The following WDR11 variants were observed in gnomAD, a reference collection of about 807,000 sequenced individuals.
WDR11 encodes WD repeat-containing protein 11.
WDR11 carries 83 observed loss-of-function variants against 151.2 expected under a neutral mutation model. The ratio of observed to expected loss-of-function variants is 0.55; its 90% CI spans 0.46 to 0.66. The LOEUF is 0.66. Ranked by LOEUF, WDR11 falls within the 30% of genes least tolerant of loss-of-function variation. The pLI is 0.00. For synonymous variants in WDR11, 484 were observed against 533.1 expected (o/e 0.91, Z 1.27); for missense variants, 1,301 against 1,480.9 (o/e 0.88, Z 1.99).
chr10:120,857,454 C>T (rs1845987646), intron 2 of WDR11, among the ~76,000 whole-genome samples: 3 of 152,126 alleles, frequency 2.0e-5, no homozygotes, highest in South Asian at 4.1e-4. Context: ...CATATATACA[C>T]TATACATATT....
rs779884193 is a variant in WDR11, at chr10:120,852,651, C to T, written c.198+16C>T. Reference sequence around the variant, plus strand: ...TGTTGTAAAGGTAAGTAAAATCCCACTTTGACGCTAACATGTTGTCTAGTC... The same window carrying T: ...TGTTGTAAAGGTAAGTAAAATCCCATTTTGACGCTAACATGTTGTCTAGTC... On this transcript the variant is annotated intron_variant, in intron 2 of 28. Transcript: ENST00000263461. The T allele has an allele frequency of 3.1e-6, 5 of 1,597,664 alleles. No homozygotes were observed. In the South Asian group the frequency reaches 4.4e-5, roughly 14 times the overall value.
In WDR11 at chr10:120,851,494, C is replaced by T. The variant is rs758376859; in HGVS notation, c.74C>T (p.Ala25Val). The change falls in exon 1 of 29, where the codon GCG (alanine) becomes GTG (valine). Residue 25 changes from alanine (A) to valine (V), a missense_variant. Physicochemically the swap from Ala to Val is moderately conservative, Grantham distance 64 (BLOSUM62 0). Coordinates refer to ENST00000263461, the MANE Select transcript of WDR11 (RefSeq NM_018117.12). The stretch of plus-strand genomic sequence containing the variant: ...GGGGCCCTCAACGCCCACAACAAGG[C>T]GGCGGTGGACTGGTGAGGACGCCGA... ...LTGALNAHNKAAVDWGWQGLI... is the reference protein window; with the variant it reads ...LTGALNAHNKVAVDWGWQGLI... The T allele has an allele frequency of 3.1e-6, 5 of 1,611,316 alleles. No individual in the cohort carries two copies. The highest frequency in any genetic ancestry group is 2.2e-5 in the South Asian group (2 of 90,388).
intron 9 of WDR11, among the ~76,000 whole-genome samples, chr10:120,870,124 G>T (rs373844336): frequency 5.9e-5 from 9 of 152,260 alleles, no homozygotes; most frequent in African/African-American, 2.2e-4. Context: ...TAGAGAGATT[G>T]ATATTGAGTA....
At position 120,909,351 on chromosome 10, in the gene WDR11, T is replaced by A. The variant is rs1350117613; in HGVS notation, c.*638T>A. 1 of 153,466 alleles carries A rather than the reference T, an allele frequency of 6.5e-6. No individual in the cohort carries two copies. Among genetic ancestry groups the A allele is most frequent in the Non-Finnish European group, 1.5e-5 (1 of 68,668 alleles). The allele number at this position is 153,466 out of a possible 1,614,324, so 9.5% of individuals were successfully genotyped here. ...GGTGAGGTCTTTGATATTTTGAATT[T>A]TAACTCCTTTTATGATACATCACAG... On this transcript the variant is annotated 3_prime_UTR_variant, in exon 29 of 29. Coordinates refer to ENST00000263461, the MANE Select transcript of WDR11 (RefSeq NM_018117.12).
In WDR11 at chr10:120,904,138, G is replaced by C; in HGVS notation, c.3023G>C (p.Gly1008Ala). The C allele has an allele frequency of 6.2e-7, 1 of 1,609,036 alleles. No homozygotes were observed. Among genetic ancestry groups the C allele is most frequent in the African/African-American group, 1.3e-5 (1 of 74,858 alleles). The change falls in exon 24 of 29, where the codon GGT becomes GCT. Residue 1008 changes from glycine to alanine, a missense_variant. By Grantham distance (60) the Gly-to-Ala change is moderately conservative. This residue lies in a region of WDR11 where 589 missense variants were observed against 670.6 expected (regional missense o/e 0.88). Transcript: ENST00000263461. ...RKCTDQLLLL[G>A]QTDRAVQLLL... The stretch of plus-strand genomic sequence containing the variant: ...TGTACAGACCAGCTACTGCTCTTGG[G>C]TCAAGTATGTCAGTTTTTATAACTC...
intron 16 of WDR11, among the ~76,000 whole-genome samples, chr10:120,888,022 G>A (rs1042840754): frequency 1.3e-5 from 2 of 151,422 alleles, no homozygotes; most frequent in South Asian, 2.1e-4. Context: ...GAGTTTTTAC[G>A]GTATTCAGTG....
intron 25 of WDR11, 77 bp downstream of exon 25, chr10:120,904,888 G>A: frequency 1.3e-6 from 2 of 1,529,280 alleles, no homozygotes; most frequent in South Asian, 2.3e-5. Flanking sequence ...GATTAGTAGG[G>A]ACATTTCTTT....
chr10:120,890,088 G>C (rs1313002575), intron 18 of WDR11, 79 bp downstream of exon 18: 1 of 1,007,330 alleles, frequency 9.9e-7, no homozygotes, highest in African/African-American at 1.6e-5. Flanking sequence ...ACTTCTTTCT[G>C]ATTTAGAAAT....
intron 9 of WDR11, among the ~76,000 whole-genome samples, chr10:120,867,591 T>C (rs1490482254): frequency 6.6e-6 from 1 of 152,244 alleles, no homozygotes; most frequent in Non-Finnish European, 1.5e-5. Context: ...TTGTTTTCTT[T>C]AATCTCCCAA....
chr10:120,906,084 C>G (rs1848031133), intron 27 of WDR11, 63 bp downstream of exon 27: 1 of 1,611,772 alleles, frequency 6.2e-7, no homozygotes, highest in African/African-American at 1.3e-5. Context: ...CATGTTCTCT[C>G]GCGGTTCTAG....
rs772105416 is a variant in WDR11 at position 120,878,329 on chromosome 10, C to A, written c.1557-24C>A. 41 of 1,534,834 alleles carry A rather than the reference C, an allele frequency of 2.7e-5. No individual in the cohort carries two copies. In the South Asian group the frequency reaches 4.4e-4, roughly 17 times the overall value. On this transcript the variant is annotated intron_variant, in intron 11 of 28. Transcript: ENST00000263461. Reference sequence around the variant, plus strand: ...CAAATAAAAAAGAGAATTAGTTTAACCTTTATCTCATTTCCTATTATAGGG... The same window carrying A: ...CAAATAAAAAAGAGAATTAGTTTAAACTTTATCTCATTTCCTATTATAGGG...
At chr10:120,858,940 C>T (rs1564938116) in intron 3 of WDR11, 144 bp downstream of exon 3, 4 of 994,192 alleles carry the variant, frequency 4.0e-6, no homozygotes, top group Non-Finnish European at 3.1e-6. Context: ...TTCTGCTGAT[C>T]TAAATCTGGC....
rs769195341 is a variant in WDR11 at position 120,905,386 on chromosome 10, C to A, written c.3261C>A (p.Gly1087=). 1.9e-6 allele frequency: 3 copies of A among 1,613,974 alleles called. No homozygotes were observed. In the South Asian group the frequency reaches 3.3e-5, roughly 18 times the overall value. The change falls in exon 26 of 29, where the codon GGC becomes GGA. Residue 1087 remains glycine, a synonymous_variant. Transcript: ENST00000263461. ...ADACRYLQTY[G]EWNRAAWLAK... ...CCTGCCGCTACCTGCAGACATACGG[C>A]GAGTGGAATCGGGCTGCATGGCTGG...
At position 120,909,114 on chromosome 10, in the gene WDR11, C is replaced by T; in HGVS notation, c.*401C>T. The T allele has an allele frequency of 3.8e-6, 1 of 266,664 alleles. No homozygotes were observed. Among genetic ancestry groups the T allele is most frequent in the Non-Finnish European group, 7.3e-6 (1 of 136,502 alleles). The allele number at this position is 266,664 out of a possible 1,614,324, so 16.5% of individuals were successfully genotyped here. ...TGTGAGATGTTTTCTCAAATATATG[C>T]TGTGCCTGTACTTATATACAGTCTT... On this transcript the variant is annotated 3_prime_UTR_variant, in exon 29 of 29. Transcript: ENST00000263461.
intron 20 of WDR11, 138 bp from the exon 21 acceptor site, chr10:120,900,898 A>AT (rs1847789365): frequency 1.0e-5 from 7 of 672,658 alleles, no homozygotes; most frequent in Non-Finnish European, 1.9e-5. Flanking sequence ...GATTGTTGTT[A>AT]TTTTGGTCTA....
intron 19 of WDR11, among the ~76,000 whole-genome samples, chr10:120,898,376 A>G (rs1564720365): frequency 6.6e-6 from 1 of 152,252 alleles, no homozygotes; most frequent in Non-Finnish European, 1.5e-5. Context: ...CATATTTAAA[A>G]GTTATCCAAT....
chr10:120,872,790 G>A (rs2133759663), intron 10 of WDR11, among the ~76,000 whole-genome samples: 1 of 152,260 alleles, frequency 6.6e-6, no homozygotes, highest in East Asian at 1.9e-4. Context: ...GTATTATTAT[G>A]AAATAGATGA....
intron 5 of WDR11, among the ~76,000 whole-genome samples, chr10:120,864,007 T>C (rs899444313): frequency 6.6e-6 from 1 of 152,232 alleles, no homozygotes; most frequent in Non-Finnish European, 1.5e-5. Flanking sequence ...TTATGTTTTA[T>C]ATTTCTTAAG....
chr10:120,885,650 A>C (rs1441721041), intron 14 of WDR11, among the ~76,000 whole-genome samples, 164 bp from the exon 15 acceptor site: 1 of 152,194 alleles, frequency 6.6e-6, no homozygotes, highest in Admixed American at 6.5e-5. Flanking sequence ...AAATGCATTC[A>C]TTTAGCCTTT....
Sources: allele counts gnomAD v4.1 joint callset (sites outside exome capture counted in the v4.1 genomes callset), GRCh38; gene constraint gnomAD v4.1.1; regional missense constraint gnomAD v4.1.1; transcripts MANE v1.5; gene names NCBI Gene and HGNC (gene_info 2026-07-23, HGNC 2026-07-21).